Variants in MYRIP observed in about 807,000 individuals in gnomAD.
MYRIP encodes the protein myosin VIIA and Rab interacting protein.
In MYRIP, 49 loss-of-function variants were observed where a neutral mutation model predicts 98.0. The observed-to-expected ratio is 0.50, with a 90% CI of 0.40 to 0.63. The LOEUF is 0.63. Ranked by LOEUF, MYRIP falls within the 30% of genes least tolerant of loss-of-function variation. The probability of loss-of-function intolerance (pLI) is 0.00; values close to 1 mark genes in which losing one functional copy is unlikely to be tolerated. For missense variants in MYRIP, 1,004 were observed against 1,058.2 expected (o/e 0.95, Z 0.71); for synonymous variants, 404 against 409.5 (o/e 0.99, Z 0.16).
intron 10 of MYRIP, among the ~76,000 whole-genome samples, chr3:40,207,712 G>A (rs1951821186): frequency 6.6e-6 from 1 of 152,182 alleles, no homozygotes; most frequent in Non-Finnish European, 1.5e-5. Flanking sequence ...CCTGCTGAAT[G>A]AGTAACTGGA....
chr3:40,244,594 A>G lies in MYRIP; in HGVS notation c.2249A>G (p.His750Arg), dbSNP rs773252470. ...QVATAAAQVH[H>R]AELQISDIES... is the part of the protein sequence containing the mutation. ...GCCACGGCTGCAGCCCAAGTCCACC[A>G]TGCTGAACTCCAGGTGAGAACTCTC... Residue 750 changes from histidine to arginine, a missense_variant, in exon 13 of 17, where the codon CAT becomes CGT. By Grantham distance (29) the His-to-Arg change is conservative. This residue lies in a region of MYRIP where 16 missense variants were observed against 39.5 expected (regional missense o/e 0.41). Transcript: ENST00000302541. The G allele has an allele frequency of 6.2e-7, 1 of 1,612,986 alleles. No homozygotes were observed. Among genetic ancestry groups the G allele is most frequent in the Non-Finnish European group, 8.5e-7 (1 of 1,179,478 alleles).
chr3:40,157,683 G>A (rs1372357401), intron 4 of MYRIP, among the ~76,000 whole-genome samples: 1 of 150,318 alleles, frequency 6.7e-6, no homozygotes, highest in African/African-American at 2.5e-5. Context: ...TCCTGTTATT[G>A]GTCTATTCAG....
At chr3:40,238,774 A>T (rs1157082977) in intron 12 of MYRIP, 1 of 152,244 alleles carries the variant, frequency 6.6e-6, no homozygotes, top group Non-Finnish European at 1.5e-5. Flanking sequence ...GGAAAAAAAA[A>T]TAAAAATACT....
intron 4 of MYRIP, among the ~76,000 whole-genome samples, chr3:40,151,763 T>C (rs967462246): frequency 6.6e-6 from 1 of 152,208 alleles, no homozygotes; most frequent in Non-Finnish European, 1.5e-5. Context: ...GATCAGCCAG[T>C]AGAAAAGAAT....
intron 3 of MYRIP, among the ~76,000 whole-genome samples, chr3:40,133,968 G>A (rs575472240): frequency 6.6e-5 from 10 of 152,244 alleles, no homozygotes; most frequent in Middle Eastern, 3.4e-3. Context: ...TGCAAAAGAC[G>A]GGTGATTTCT....
intron 11 of MYRIP, among the ~76,000 whole-genome samples, chr3:40,218,613 TATATATATATATATATATA>T (rs1247382845): frequency 6.2e-4 from 10 of 16,248 alleles, no homozygotes; most frequent in Non-Finnish European, 7.7e-4. Flanking sequence ...ATATATATTT[TATATATATATATATATATA>T]TATATATATA....
intron 9 of MYRIP, among the ~76,000 whole-genome samples, chr3:40,186,298 G>A (rs6770645): frequency 0.41 from 62,247 of 151,912 alleles, 13,940 homozygotes; most frequent in Non-Finnish European, 0.51. Flanking sequence ...TCATGTGGGC[G>A]TCTTGGTTTG....
intron 2 of MYRIP, among the ~76,000 whole-genome samples, chr3:40,010,624 C>T (rs1946740637): frequency 6.6e-6 from 1 of 152,146 alleles, no homozygotes; most frequent in Non-Finnish European, 1.5e-5. Flanking sequence ...CCTCATGGCC[C>T]ACCTCATTCC....
chr3:40,087,412 G>T (rs889693511), intron 3 of MYRIP, among the ~76,000 whole-genome samples: 3 of 152,164 alleles, frequency 2.0e-5, no homozygotes, highest in Non-Finnish European at 4.4e-5. Flanking sequence ...TGGGAAGTGA[G>T]ATGGCTAAGT....
chr3:40,190,473 G>A lies in MYRIP; in HGVS notation c.1665+10G>A, dbSNP rs753303425. 6.4e-7 allele frequency: 1 copy of A among 1,564,452 alleles called. No homozygotes were observed. Among genetic ancestry groups the A allele is most frequent in the Non-Finnish European group, 8.7e-7 (1 of 1,155,512 alleles). On this transcript the variant is annotated intron_variant, in intron 10 of 16. Transcript: ENST00000302541. ...TCTAGACACACATCAGGTAATGGAAGTGCATGCGTGCAAATGCACACACAC... is the reference window on the plus strand; with the variant it reads ...TCTAGACACACATCAGGTAATGGAAATGCATGCGTGCAAATGCACACACAC...
At chr3:39,980,179 G>A (rs796771608) in intron 2 of MYRIP, among the ~76,000 whole-genome samples, 22 of 152,292 alleles carry the variant, frequency 1.4e-4, no homozygotes, top group African/African-American at 5.3e-4. Flanking sequence ...AGGAGTGTCC[G>A]AATCTGAGGC....
At chr3:39,895,285 C>T (rs1943578432) in intron 1 of MYRIP, among the ~76,000 whole-genome samples, 1 of 151,562 alleles carries the variant, frequency 6.6e-6, no homozygotes, top group Admixed American at 6.6e-5. Flanking sequence ...CTCCCGGGTT[C>T]GAGCGATTCT....
intron 8 of MYRIP, among the ~76,000 whole-genome samples, chr3:40,177,145 TTTCAG>T (rs930676084): frequency 1.3e-4 from 19 of 150,806 alleles, no homozygotes; most frequent in African/African-American, 4.6e-4. Context: ...ATGGGCCGAG[TTTCAG>T]TTCTTGGGTA....
Position 40,002,638 on chromosome 3 carries a change from T to C in MYRIP, c.111-41412T>C, listed in dbSNP as rs1249976187. 2.0e-5 allele frequency among the ~76,000 whole-genome samples: 3 copies of C among 151,714 alleles called. No individual in the cohort carries two copies. The East Asian group carries it at 5.8e-4, about 29-fold the overall frequency. On this transcript the variant is annotated intron_variant, in intron 2 of 16. Coordinates refer to ENST00000302541, the MANE Select transcript of MYRIP (RefSeq NM_015460.4). ...GCCCTCCCTTTCTGCCTCAGAGACATAAGGAAAGGCAGAGCTGAGATCAGA... is the reference window on the plus strand; with the variant it reads ...GCCCTCCCTTTCTGCCTCAGAGACACAAGGAAAGGCAGAGCTGAGATCAGA...
chr3:40,000,344 A>T (rs1390719511), intron 2 of MYRIP, among the ~76,000 whole-genome samples: 1 of 152,168 alleles, frequency 6.6e-6, no homozygotes, highest in African/African-American at 2.4e-5. Context: ...TCCTATCAGC[A>T]TTTGCCTCCA....
intron 3 of MYRIP, among the ~76,000 whole-genome samples, chr3:40,123,457 C>T (rs1949448818): frequency 6.6e-6 from 1 of 152,204 alleles, no homozygotes; most frequent in Admixed American, 6.5e-5. Flanking sequence ...CGCCAGCCAT[C>T]CTTCTCGTTC....
chr3:40,229,934 C>A (rs557414409), intron 11 of MYRIP, among the ~76,000 whole-genome samples: 1 of 152,182 alleles, frequency 6.6e-6, no homozygotes, highest in Non-Finnish European at 1.5e-5. Context: ...TTGGCATACA[C>A]TTGGCATTTT....
At chr3:40,058,899 C>T (rs1307728675) in intron 3 of MYRIP, among the ~76,000 whole-genome samples, 2 of 152,080 alleles carry the variant, frequency 1.3e-5, no homozygotes, top group African/African-American at 4.8e-5. Context: ...CCGTCATCTA[C>T]ATTAGGTATT....
At chr3:39,822,237 A>G (rs1941122440) in intron 1 of MYRIP, among the ~76,000 whole-genome samples, 1 of 152,206 alleles carries the variant, frequency 6.6e-6, no homozygotes, top group African/African-American at 2.4e-5. Context: ...TTCAATATAT[A>G]CGGTATACAG....
Sources: allele counts gnomAD v4.1 joint callset (sites outside exome capture counted in the v4.1 genomes callset), GRCh38; gene constraint gnomAD v4.1.1; regional missense constraint gnomAD v4.1.1; transcripts MANE v1.5; gene names NCBI Gene and HGNC (gene_info 2026-07-23, HGNC 2026-07-21).